Variants in RNF123 observed in about 807,000 individuals in gnomAD.
The protein encoded by RNF123 is ring finger protein 123, also known as E3 ubiquitin-protein ligase RNF123.
RNF123 carries 86 observed loss-of-function variants against 168.5 expected under a neutral mutation model. That is an observed-to-expected ratio of 0.51 (90% CI 0.43 to 0.61). The LOEUF (loss-of-function observed/expected upper bound fraction) is 0.61. Ranked by LOEUF, RNF123 falls within the 20% of genes least tolerant of loss-of-function variation. The probability of loss-of-function intolerance (pLI) is 0.00; values close to 1 mark genes in which losing one functional copy is unlikely to be tolerated. For missense variants in RNF123, 1,419 were observed against 1,729.7 expected, an observed-to-expected ratio of 0.82 and a Z score of 3.19; for synonymous variants, 666 against 689.1, an observed-to-expected ratio of 0.97 and a Z score of 0.52.
At chr3:49,698,165 T>C in intron 7 of RNF123, 28 bp downstream of exon 7, 3 of 1,584,412 alleles carry the variant, frequency 1.9e-6, no homozygotes, top group South Asian at 1.1e-5. Flanking sequence ...GACCCCTCCC[T>C]GGGCCCAGGG....
At chr3:49,707,840 T>C (rs1051060793) in intron 26 of RNF123, among the ~76,000 whole-genome samples, 3 of 152,140 alleles carry the variant, frequency 2.0e-5, no homozygotes, top group Non-Finnish European at 4.4e-5. Flanking sequence ...ATTTCCTGCC[T>C]GCCCACCTCC....
In RNF123 at chr3:49,718,213, C is replaced by T. The variant is rs752002333; in HGVS notation, c.3500+1736C>T. The T allele has an allele frequency of 5.0e-6, 8 of 1,610,704 alleles. No individual in the cohort carries two copies. Among genetic ancestry groups the T allele is most frequent in the African/African-American group, 1.3e-5 (1 of 75,004 alleles). ...GAGCGGGCTGGGTGTTTGGGGCCAG[C>T]GGCGGCAGCGGCAGGCACGGCGGCA... is the stretch of plus-strand genomic sequence containing the variant. On this transcript the variant is annotated intron_variant, in intron 35 of 38. Coordinates refer to ENST00000327697, the MANE Select transcript of RNF123 (RefSeq NM_022064.5).
rs760923407 is a variant in RNF123 at position 49,704,682 on chromosome 3, G to A, written c.1885G>A (p.Asp629Asn). ...DLASKANIVIDPLELQSTAMD... is the reference protein window; with the variant it reads ...DLASKANIVINPLELQSTAMD... ...TGCTTCCAAAGCCAACATTGTGATC[G>A]ACCCACTGGAGCTCCAGTCAACCGC... Residue 629 changes from aspartate to asparagine, a missense_variant, in exon 22 of 39, where the codon GAC becomes AAC. By Grantham distance (23) the Asp-to-Asn change is conservative (BLOSUM62 1). This residue lies in a region of RNF123 where 538 missense variants were observed against 708.8 expected (regional missense o/e 0.76). Coordinates refer to ENST00000327697, the MANE Select transcript of RNF123 (RefSeq NM_022064.5). 5.0e-6 allele frequency: 8 copies of A among 1,609,152 alleles called. No individual in the cohort carries two copies. Among genetic ancestry groups the A allele is most frequent in the South Asian group, 3.3e-5 (3 of 90,036 alleles).
At position 49,699,932 on chromosome 3, in the gene RNF123, C is replaced by T. The variant is rs909373909; in HGVS notation, c.984+160C>T. 2.7e-6 allele frequency: 2 copies of T among 746,046 alleles called. No individual in the cohort carries two copies. Among genetic ancestry groups the T allele is most frequent in the Non-Finnish European group, 4.4e-6 (2 of 455,102 alleles). 46.2% of individuals were successfully genotyped at this position (746,046 alleles called of 1,614,324 possible). A position where few individuals can be genotyped will look rare whatever the true frequency, so the allele number is the denominator to read the frequency against. On this transcript the variant is annotated intron_variant, in intron 12 of 38. Transcript: ENST00000327697. The surrounding 1 kb of genome is among the most constrained non-coding windows in gnomAD (Gnocchi z 4.8). ...GGGCCCTCAGACCTCAGTCAGTCCC[C>T]TAGGGAAACAGGGACATTGCCAACC...
rs776229451 is a variant in RNF123, at chr3:49,718,807, G to A, written c.3501-1704G>A. The A allele has an allele frequency of 1.3e-5, 21 of 1,613,324 alleles. No individual in the cohort carries two copies. In the South Asian group the frequency reaches 2.1e-4, roughly 16 times the overall value. ...GTAGAGGCGGCAGTCGCAAGGCAAA[G>A]GGTTGTTGTGCAAGTAGAGGCCGTT... On this transcript the variant is annotated intron_variant, in intron 35 of 38. Transcript: ENST00000327697.
intron 26 of RNF123, among the ~76,000 whole-genome samples, chr3:49,709,130 A>AT (rs559457658): frequency 0.037 from 4,063 of 110,698 alleles, 193 homozygotes; most frequent in African/African-American, 0.13. Flanking sequence ...AATTTTTGTG[A>AT]TTTTTTTTTT....
chr3:49,691,044 C>T (rs2054150318), intron 1 of RNF123, 86 bp from the exon 2 acceptor site: 1 of 785,290 alleles, frequency 1.3e-6, no homozygotes, highest in Non-Finnish European at 2.1e-6. Context: ...TCACCTGCTC[C>T]CAAGCCTTCC....
At chr3:49,693,757 G>A (rs1007724420) in intron 3 of RNF123, among the ~76,000 whole-genome samples, 2 of 152,110 alleles carry the variant, frequency 1.3e-5, no homozygotes, top group African/African-American at 2.4e-5. Context: ...CCACAACCTC[G>A]CCAGCATTTG....
At chr3:49,717,573 A>C in intron 35 of RNF123, 1 of 275,678 alleles carries the variant, frequency 3.6e-6, no homozygotes, top group African/African-American at 2.2e-5. Context: ...GCTCTGCTAC[A>C]GGGGTTCTTC....
intron 35 of RNF123, 100 bp from the exon 36 acceptor site, chr3:49,720,411 G>A: frequency 8.2e-7 from 1 of 1,223,982 alleles, no homozygotes; most frequent in Non-Finnish European, 1.1e-6. Flanking sequence ...CAGGGGGGGT[G>A]ATCATGTACG....
chr3:49,702,452 C>T, intron 19 of RNF123, 47 bp downstream of exon 19: 1 of 1,604,226 alleles, frequency 6.2e-7, no homozygotes, highest in Non-Finnish European at 8.5e-7. Context: ...GGCTGCACTA[C>T]ACATGCCATG....
intron 21 of RNF123, 22 bp downstream of exon 21, chr3:49,703,550 G>A (rs368223002): frequency 1.8e-5 from 28 of 1,598,884 alleles, no homozygotes; most frequent in South Asian, 4.4e-5. Context: ...CCTGTGGGCC[G>A]GGAGCAGTTC....
At chr3:49,706,394 C>T (rs540693727) in intron 25 of RNF123, among the ~76,000 whole-genome samples, 11 of 152,374 alleles carry the variant, frequency 7.2e-5, no homozygotes, top group Non-Finnish European at 1.6e-4. Flanking sequence ...CCGGAGCCCT[C>T]TGCTGTAGCT....
intron 7 of RNF123, 91 bp from the exon 8 acceptor site, chr3:49,698,349 A>T: frequency 9.0e-7 from 1 of 1,113,586 alleles, no homozygotes; most frequent in Non-Finnish European, 1.4e-6. Context: ...TCCCTTCTGT[A>T]GAGCCATATG....
Position 49,714,011 on chromosome 3 carries a change from G to A in RNF123, c.2925+14G>A, listed in dbSNP as rs368090559. 2.2e-5 allele frequency: 35 copies of A among 1,613,900 alleles called. No homozygotes were observed. Among genetic ancestry groups the A allele is most frequent in the South Asian group, 5.5e-5 (5 of 91,090 alleles). ...CGGCTCTGGAGGGTAAGCCTGACTC[G>A]AGGGGAAGTGGCTGAGGCTGGCTGG... On this transcript the variant is annotated intron_variant, in intron 30 of 38. Coordinates refer to ENST00000327697, the MANE Select transcript of RNF123 (RefSeq NM_022064.5).
intron 22 of RNF123, 111 bp from the exon 23 acceptor site, chr3:49,704,873 C>T (rs1333413171): frequency 1.7e-5 from 24 of 1,391,688 alleles, no homozygotes; most frequent in Non-Finnish European, 2.1e-5. Flanking sequence ...TCTCACTGGG[C>T]TGGTGCCTTG....
Position 49,700,724 on chromosome 3 carries a change from C to A in RNF123, c.1277+15C>A, listed in dbSNP as rs1245175988. 8.1e-6 allele frequency: 13 copies of A among 1,613,842 alleles called. No individual in the cohort carries two copies. The highest frequency in any genetic ancestry group is 9.3e-6 in the Non-Finnish European group (11 of 1,179,916). On this transcript the variant is annotated intron_variant, in intron 15 of 38. Coordinates refer to ENST00000327697, the MANE Select transcript of RNF123 (RefSeq NM_022064.5). ...AGCAATGTCCTGTATCCTTTCCTTG[C>A]TGCCTGGCAGGCCAGACATGGGGTG...
intron 7 of RNF123, 44 bp from the exon 8 acceptor site, chr3:49,698,396 C>A: frequency 6.5e-7 from 1 of 1,545,982 alleles, no homozygotes; most frequent in South Asian, 1.1e-5. Context: ...CTGGCCCAGA[C>A]CCTGCCTGCC....
intron 22 of RNF123, 40 bp from the exon 23 acceptor site, chr3:49,704,944 C>T: frequency 6.4e-7 from 1 of 1,557,346 alleles, no homozygotes; most frequent in Non-Finnish European, 8.7e-7. Flanking sequence ...CAAGGGAACC[C>T]TGAGCCAGCC....
Sources: allele counts gnomAD v4.1 joint callset (sites outside exome capture counted in the v4.1 genomes callset), GRCh38; gene constraint gnomAD v4.1.1; regional missense constraint gnomAD v4.1.1; non-coding constraint Gnocchi (gnomAD v3.1); transcripts MANE v1.5; gene names NCBI Gene and HGNC (gene_info 2026-07-23, HGNC 2026-07-21).